The following FAM107B variants were observed in gnomAD, a reference collection of about 807,000 sequenced individuals.
FAM107B encodes the protein protein FAM107B.
A neutral mutation model predicts 31.5 loss-of-function variants in FAM107B; 21 were observed. The observed-to-expected ratio is 0.67, with a 90% CI of 0.47 to 0.96. The LOEUF is 0.96. FAM107B is among the 40% of genes least tolerant of loss of function. The pLI, the probability that FAM107B is intolerant of heterozygous loss-of-function variation, is 0.00. For synonymous variants in FAM107B, 157 were observed against 141.5 expected (o/e 1.11, Z -0.78); for missense variants, 452 against 377.1 (o/e 1.20, Z -1.64).
In FAM107B at chr10:14,629,440, T is replaced by TA. The variant is rs1853282693; in HGVS notation, c.469+38193dup. On this transcript the variant is annotated intron_variant, in intron 2 of 4. Coordinates refer to ENST00000181796, the MANE Select transcript of FAM107B (RefSeq NM_031453.4). ...TATAATATATATAATATATATTATA[T>TA]ATATATTATATATATATTATATATA... 2.4e-4 allele frequency among the ~76,000 whole-genome samples: 2 copies of TA among 8,344 alleles called. 1 individual carries two copies. The highest frequency in any genetic ancestry group is 1.4e-3 in the African/African-American group (2 of 1,430). The allele number at this position is 8,344 out of a possible 152,430, so 5.5% of individuals were successfully genotyped here.
chr10:14,634,212 C>T (rs1239851264), intron 2 of FAM107B, among the ~76,000 whole-genome samples: 5 of 151,782 alleles, frequency 3.3e-5, no homozygotes, highest in Non-Finnish European at 7.4e-5. Context: ...CTGGCTAACA[C>T]GGTGAAACCC....
intron 2 of FAM107B, among the ~76,000 whole-genome samples, chr10:14,565,979 T>C (rs1224806402): frequency 1.3e-5 from 2 of 152,210 alleles, no homozygotes; most frequent in East Asian, 3.9e-4. Context: ...ACCTAAGGCC[T>C]CTCTGCAGCA....
chr10:14,712,752 T>C (rs1855682845), intron 1 of FAM107B, among the ~76,000 whole-genome samples: 2 of 152,170 alleles, frequency 1.3e-5, no homozygotes, highest in African/African-American at 2.4e-5. Flanking sequence ...GGTCAGAGGT[T>C]CAGATGAGAA....
chr10:14,638,141 A>G (rs1326880253), intron 2 of FAM107B, among the ~76,000 whole-genome samples: 2 of 152,228 alleles, frequency 1.3e-5, no homozygotes, highest in Admixed American at 6.5e-5. Flanking sequence ...CTGCCCCAAG[A>G]GCAGTGATAA....
intron 2 of FAM107B, among the ~76,000 whole-genome samples, chr10:14,640,034 A>G (rs935228562): frequency 1.3e-5 from 2 of 152,198 alleles, no homozygotes; most frequent in Non-Finnish European, 2.9e-5. Context: ...TCTCTCAGAG[A>G]TCCCATCTGT....
At chr10:14,608,054 C>CT (rs1275337535) in intron 2 of FAM107B, among the ~76,000 whole-genome samples, 1 of 152,160 alleles carries the variant, frequency 6.6e-6, no homozygotes, top group Non-Finnish European at 1.5e-5. Flanking sequence ...GCAAATCAAT[C>CT]TGGAATAAGA....
intron 1 of FAM107B, among the ~76,000 whole-genome samples, chr10:14,742,651 G>A (rs989229785): frequency 6.6e-6 from 1 of 152,166 alleles, no homozygotes; most frequent in African/African-American, 2.4e-5. Flanking sequence ...ACAGTGGATT[G>A]CATGCATTCA....
chr10:14,654,786 A>C (rs1398945839), intron 2 of FAM107B, among the ~76,000 whole-genome samples: 1 of 152,182 alleles, frequency 6.6e-6, no homozygotes, highest in Non-Finnish European at 1.5e-5. Context: ...AAGGTGAAAA[A>C]ATCCCGTTCC....
rs556158860 is a variant in FAM107B, at chr10:14,773,954, C to T, written c.411+299G>A. On this transcript the variant is annotated intron_variant, in intron 1 of 4. Coordinates refer to ENST00000181796, the MANE Select transcript of FAM107B (RefSeq NM_031453.4). ...AAAAATGTTTTTGTAAACTATCTTA[C>T]TCCTAATCTGTTATTGAGTGAGCCA... 2.0e-5 allele frequency among the ~76,000 whole-genome samples: 3 copies of T among 152,306 alleles called. No homozygotes were observed. The South Asian group carries it at 6.2e-4, about 32-fold the overall frequency.
intron 2 of FAM107B, among the ~76,000 whole-genome samples, chr10:14,647,519 A>G (rs190483940): frequency 6.6e-6 from 1 of 152,008 alleles, no homozygotes; most frequent in African/African-American, 2.4e-5. Flanking sequence ...TCTCTACTAA[A>G]AAAAGTACAA....
chr10:14,533,977 T>C (rs1469195320), intron 2 of FAM107B, among the ~76,000 whole-genome samples: 2 of 152,142 alleles, frequency 1.3e-5, no homozygotes, highest in Non-Finnish European at 2.9e-5. Flanking sequence ...TGCACAGAAG[T>C]GCGTGTAGTG....
intron 1 of FAM107B, among the ~76,000 whole-genome samples, chr10:14,681,082 A>C (rs1009083871): frequency 6.6e-6 from 1 of 152,146 alleles, no homozygotes; most frequent in African/African-American, 2.4e-5. Flanking sequence ...TTTCTCTATC[A>C]CTTCTTATAG....
chr10:14,699,161 T>G (rs1386546164), intron 1 of FAM107B, among the ~76,000 whole-genome samples: 1 of 152,048 alleles, frequency 6.6e-6, no homozygotes, highest in Non-Finnish European at 1.5e-5. Context: ...AAGGAAATTG[T>G]GGAACAGGGA....
intron 1 of FAM107B, among the ~76,000 whole-genome samples, chr10:14,703,284 T>C (rs1454732929): frequency 2.0e-5 from 3 of 151,948 alleles, no homozygotes; most frequent in Admixed American, 1.3e-4. Context: ...TTCCCTTTGC[T>C]CCTACAAAGT....
chr10:14,603,402 A>T (rs1852469026), intron 2 of FAM107B, among the ~76,000 whole-genome samples: 2 of 152,156 alleles, frequency 1.3e-5, no homozygotes. Context: ...CACCCATCCT[A>T]TCAAGTAACT....
rs543352183 is a variant in FAM107B at position 14,682,971 on chromosome 10, G to T, written c.412-15280C>A. Among the ~76,000 whole-genome samples the T allele has an allele frequency of 3.3e-5, 5 of 152,032 alleles. 1 individual carries two copies. The South Asian group carries it at 1.0e-3, about 32-fold the overall frequency. Reference sequence around the variant, plus strand: ...CGAACGTGGAATCCCGGACATAAGGGGTCCTCCTGCAGCAAAGACTGCAAA... The same window carrying T: ...CGAACGTGGAATCCCGGACATAAGGTGTCCTCCTGCAGCAAAGACTGCAAA... On this transcript the variant is annotated intron_variant, in intron 1 of 4. Coordinates refer to ENST00000181796, the MANE Select transcript of FAM107B (RefSeq NM_031453.4).
intron 2 of FAM107B, among the ~76,000 whole-genome samples, chr10:14,579,825 C>G (rs940093321): frequency 1.3e-5 from 2 of 151,900 alleles, no homozygotes; most frequent in Non-Finnish European, 2.9e-5. Flanking sequence ...AGTTCGAGAC[C>G]AGCCTGGCCA....
chr10:14,764,303 CTG>C (rs1174332553), intron 1 of FAM107B, among the ~76,000 whole-genome samples: 1 of 152,320 alleles, frequency 6.6e-6, no homozygotes, highest in East Asian at 1.9e-4. Context: ...AGTTACAGGA[CTG>C]TGCACGTAAC....
intron 2 of FAM107B, among the ~76,000 whole-genome samples, chr10:14,565,010 A>C (rs1272630816): frequency 1.3e-5 from 2 of 152,216 alleles, no homozygotes; most frequent in East Asian, 3.8e-4. Flanking sequence ...ACTTGAGCCC[A>C]AGAGTTCAAG....
Sources: gnomAD v4.1 joint callset for allele counts (sites outside exome capture counted in the v4.1 genomes callset) on GRCh38, gnomAD v4.1.1 for gene constraint, MANE v1.5 for transcripts, NCBI Gene and HGNC (gene_info 2026-07-23, HGNC 2026-07-21) for gene names.